Variants in OPRM1 observed in about 807,000 individuals in gnomAD.
The protein encoded by OPRM1 is mu-type opioid receptor.
Under a neutral mutation model 31.8 loss-of-function variants are expected in OPRM1, and 27 were observed. That is an observed-to-expected ratio of 0.85 (90% CI 0.63 to 1.17). The LOEUF (loss-of-function observed/expected upper bound fraction) is 1.17. OPRM1 is among the 50% of genes most tolerant of loss of function. The pLI is 0.00. For missense variants in OPRM1, 536 were observed against 511.1 expected, an observed-to-expected ratio of 1.05 and a Z score of -0.47; for synonymous variants, 196 against 189.9, an observed-to-expected ratio of 1.03 and a Z score of -0.26.
At chr6:154,147,483 T>C (rs1039847449) in intron 3 of OPRM1, among the ~76,000 whole-genome samples, 6 of 152,212 alleles carry the variant, frequency 3.9e-5, no homozygotes, top group South Asian at 2.1e-4. Context: ...CCTTCATCCC[T>C]GAGCTGTTTG....
chr6:154,044,766 G>A (rs1025448146), intron 1 of OPRM1, among the ~76,000 whole-genome samples: 13 of 152,246 alleles, frequency 8.5e-5, no homozygotes, highest in Middle Eastern at 6.8e-3. Context: ...TATTTACTTT[G>A]AGATTTTGAA....
intron 1 of OPRM1, chr6:154,086,755 G>A (rs992312468): frequency 2.6e-5 from 26 of 985,234 alleles, no homozygotes; most frequent in Middle Eastern, 5.2e-4. Flanking sequence ...GATAAGCCAC[G>A]AAATGTAAGG....
chr6:154,011,083 A>G, intron 1 of OPRM1: 2 of 1,263,410 alleles, frequency 1.6e-6, no homozygotes, highest in Non-Finnish European at 2.1e-6. Flanking sequence ...GAAGAGGAGG[A>G]GTAAGGGCTG....
intron 3 of OPRM1, among the ~76,000 whole-genome samples, chr6:154,208,247 C>T (rs1562541883): frequency 1.3e-5 from 2 of 152,172 alleles, no homozygotes; most frequent in Non-Finnish European, 2.9e-5. Context: ...CCGCGTCAGC[C>T]ACAGAGGGCT....
chr6:154,079,573 A>T (rs1037224630), intron 1 of OPRM1, among the ~76,000 whole-genome samples: 1 of 152,258 alleles, frequency 6.6e-6, no homozygotes. Flanking sequence ...AGACGATAGA[A>T]AATCACAAGT....
intron 3 of OPRM1, among the ~76,000 whole-genome samples, chr6:154,145,996 A>G (rs1798348456): frequency 6.6e-6 from 1 of 152,256 alleles, no homozygotes; most frequent in Non-Finnish European, 1.5e-5. Context: ...AAAAAGTATC[A>G]TACTGTCCTT....
chr6:154,107,963 A>G, intron 3 of OPRM1: 1 of 580,730 alleles, frequency 1.7e-6, no homozygotes, highest in South Asian at 2.6e-5. Context: ...TTTTTATTTT[A>G]TTTTATTTTA....
chr6:154,021,705 G>T (rs941580712), intron 1 of OPRM1, among the ~76,000 whole-genome samples: 9 of 152,016 alleles, frequency 5.9e-5, no homozygotes, highest in Non-Finnish European at 1.3e-4. Flanking sequence ...TTAACTTGGG[G>T]GAACTATTGT....
At chr6:154,012,345 C>G (rs536458524) in intron 1 of OPRM1, among the ~76,000 whole-genome samples, 2 of 152,216 alleles carry the variant, frequency 1.3e-5, no homozygotes, top group East Asian at 3.9e-4. Flanking sequence ...GGATCATCAA[C>G]TTTTGTTCTG....
At chr6:154,229,224 G>A (rs974898753) in intron 3 of OPRM1, among the ~76,000 whole-genome samples, 1 of 151,956 alleles carries the variant, frequency 6.6e-6, no homozygotes, top group African/African-American at 2.4e-5. Flanking sequence ...TATAAGGTGT[G>A]GAATAAATAC....
intron 1 of OPRM1, among the ~76,000 whole-genome samples, chr6:154,027,175 A>C (rs1778743661): frequency 6.6e-6 from 1 of 152,228 alleles, no homozygotes; most frequent in African/African-American, 2.4e-5. Flanking sequence ...GGAGCACCTC[A>C]ACCCCAGTAA....
At chr6:154,180,097 T>C (rs1304476957) in intron 3 of OPRM1, among the ~76,000 whole-genome samples, 1 of 152,142 alleles carries the variant, frequency 6.6e-6, no homozygotes, top group Non-Finnish European at 1.5e-5. Context: ...AGCAGCACTC[T>C]GTATTATCTC....
intron 1 of OPRM1, among the ~76,000 whole-genome samples, chr6:154,084,407 C>G (rs1326667433): frequency 3.3e-5 from 5 of 151,524 alleles, no homozygotes; most frequent in Admixed American, 2.0e-4. Flanking sequence ...AACCTCCCCC[C>G]CCAACAGACA....
chr6:154,138,931 C>T lies in OPRM1; in HGVS notation c.1164+47459C>T, dbSNP rs567406713. Among the ~76,000 whole-genome samples the T allele has an allele frequency of 2.6e-5, 4 of 152,298 alleles. No individual in the cohort carries two copies. The East Asian group carries it at 7.7e-4, about 29-fold the overall frequency. On this transcript the variant is annotated intron_variant, in intron 3 of 3. Transcript: ENST00000337049. Reference sequence around the variant, plus strand: ...AACCGGCACTACCCAGATTGAGAAACCAGCCCATCTGATCTTGTGACCCCA... The same window carrying T: ...AACCGGCACTACCCAGATTGAGAAATCAGCCCATCTGATCTTGTGACCCCA...
chr6:154,244,201 G>A (rs4314511), intron 3 of OPRM1, among the ~76,000 whole-genome samples: 129,456 of 152,076 alleles, frequency 0.85, 56,012 homozygotes, highest in African/African-American at 0.91. Context: ...GTTGGTGTCC[G>A]CACAGAGAAG....
At chr6:154,244,563 G>A (rs1192859558) in intron 3 of OPRM1, among the ~76,000 whole-genome samples, 1 of 152,120 alleles carries the variant, frequency 6.6e-6, no homozygotes, top group Non-Finnish European at 1.5e-5. Context: ...TGTATCTAAG[G>A]CTCTATCCCT....
At chr6:154,137,976 C>A (rs1225438593) in intron 3 of OPRM1, among the ~76,000 whole-genome samples, 1 of 152,172 alleles carries the variant, frequency 6.6e-6, no homozygotes, top group African/African-American at 2.4e-5. Flanking sequence ...TAACATGGGG[C>A]ATAATGCTGA....
chr6:154,079,825 T>C (rs1469706838), intron 1 of OPRM1, among the ~76,000 whole-genome samples: 1 of 152,186 alleles, frequency 6.6e-6, no homozygotes, highest in Admixed American at 6.5e-5. Context: ...TCCTCCCACC[T>C]TGGCCTCCCA....
At chr6:154,053,550 G>T (rs572604524) in intron 1 of OPRM1, among the ~76,000 whole-genome samples, 1 of 152,208 alleles carries the variant, frequency 6.6e-6, no homozygotes, top group Non-Finnish European at 1.5e-5. Context: ...GGGTAAAAAG[G>T]AGTGCTAGGG....
Sources: gnomAD v4.1 joint callset for allele counts (sites outside exome capture counted in the v4.1 genomes callset) on GRCh38, gnomAD v4.1.1 for gene constraint, MANE v1.5 for transcripts, NCBI Gene and HGNC (gene_info 2026-07-23, HGNC 2026-07-21) for gene names.